CXXC5: variants seen among roughly 807,000 people sequenced by gnomAD.
CXXC5 encodes CXXC-type zinc finger protein 5.
CXXC5 carries 2 observed loss-of-function variants against 17.6 expected under a neutral mutation model. The observed-to-expected ratio is 0.11, with a 90% CI of 0.05 to 0.36. The LOEUF is 0.36. Among genes scored for constraint, CXXC5 ranks in the 10% least tolerant of loss-of-function variants. The pLI is 1.00. For synonymous variants in CXXC5, 171 were observed against 193.0 expected (o/e 0.89, Z 0.94); for missense variants, 343 against 458.3 (o/e 0.75, Z 2.30).
At chr5:139,673,193 A>G (rs1756576764) in intron 1 of CXXC5, among the ~76,000 whole-genome samples, 1 of 152,142 alleles carries the variant, frequency 6.6e-6, no homozygotes, top group Non-Finnish European at 1.5e-5. Flanking sequence ...TCCTTCAGAG[A>G]TTGGGTATGA....
intron 1 of CXXC5, among the ~76,000 whole-genome samples, chr5:139,650,298 G>A (rs561969274): frequency 1.3e-5 from 2 of 151,320 alleles, no homozygotes; most frequent in African/African-American, 2.4e-5. Context: ...CCTTCGGATG[G>A]GGGGGGAGCT....
chr5:139,649,607 C>T (rs1755056712), intron 1 of CXXC5: 1 of 152,154 alleles, frequency 6.6e-6, no homozygotes, highest in African/African-American at 2.4e-5. Context: ...CAAAGTATCT[C>T]CCCCACCACC....
At chr5:139,653,106 AG>A (rs1449074674) in intron 1 of CXXC5, among the ~76,000 whole-genome samples, 1 of 151,980 alleles carries the variant, frequency 6.6e-6, no homozygotes, top group Admixed American at 6.6e-5. Context: ...TCTCACACCC[AG>A]TCCTTCCCCC....
chr5:139,680,293 A>C (rs1186090627), intron 1 of CXXC5, 71 bp from the exon 2 acceptor site: 4 of 592,040 alleles, frequency 6.8e-6, no homozygotes, highest in Non-Finnish European at 1.2e-5. Flanking sequence ...GACCGTTGAT[A>C]GTGGCGGTGG....
intron 1 of CXXC5, among the ~76,000 whole-genome samples, chr5:139,660,897 C>T (rs1264446141): frequency 1.5e-5 from 2 of 132,234 alleles, no homozygotes; most frequent in Non-Finnish European, 3.1e-5. Flanking sequence ...GGCCAGGCTG[C>T]GGGCCTGTCC....
intron 1 of CXXC5, among the ~76,000 whole-genome samples, chr5:139,652,054 GC>G (rs1218286981): frequency 6.6e-5 from 10 of 151,668 alleles, no homozygotes; most frequent in African/African-American, 1.9e-4. Context: ...CCGTTTCCCC[GC>G]CCCCTGGGGC....
chr5:139,670,088 G>C lies in CXXC5; in HGVS notation c.-160-10276G>C, dbSNP rs1225072273. 6.6e-6 allele frequency among the ~76,000 whole-genome samples: 1 copy of C among 152,232 alleles called. No individual in the cohort carries two copies. The highest frequency in any genetic ancestry group is 1.5e-5 in the Non-Finnish European group (1 of 68,036). ...CTGTGGCATCTGTCAAGGTCAGATA[G>C]CGACTCCGGAACCAGCCGGCTCGGC... On this transcript the variant is annotated intron_variant, in intron 1 of 2. Transcript: ENST00000302517. The surrounding 1 kb of genome is among the most constrained non-coding windows in gnomAD (Gnocchi z 4.2).
Position 139,682,930 on chromosome 5 carries a change from C to T in CXXC5, c.*23C>T, listed in dbSNP as rs138793618. On this transcript the variant is annotated 3_prime_UTR_variant, in exon 3 of 3. Transcript: ENST00000302517. ...TGACGGCGGCGGAACCCAAAGCTGC[C>T]CTCTCCGTGCAATGTCACTGCTCGT... 2.0e-5 allele frequency: 31 copies of T among 1,575,072 alleles called. No homozygotes were observed. Among genetic ancestry groups the T allele is most frequent in the African/African-American group, 4.1e-5 (3 of 73,606 alleles).
chr5:139,663,634 T>C lies in CXXC5; in HGVS notation c.-161+14789T>C, dbSNP rs559747422. Among the ~76,000 whole-genome samples, 9 of 152,250 alleles carry C rather than the reference T, an allele frequency of 5.9e-5. No homozygotes were observed. In the East Asian group the frequency reaches 1.5e-3, roughly 26 times the overall value. On this transcript the variant is annotated intron_variant, in intron 1 of 2. Coordinates refer to ENST00000302517, the MANE Select transcript of CXXC5 (RefSeq NM_016463.9). This position sits in a 1 kb window ranked among gnomAD's most constrained non-coding sequence, Gnocchi z 4.2. The stretch of plus-strand genomic sequence containing the variant: ...CTGGGGAAACTGAGGCATGAAGGAT[T>C]GCCTCAGAGCTCAAAAGCAAATGGT...
chr5:139,661,222 A>C lies in CXXC5; in HGVS notation c.-161+12377A>C, dbSNP rs1386025300. 6.6e-6 allele frequency among the ~76,000 whole-genome samples: 1 copy of C among 152,202 alleles called. No individual in the cohort carries two copies. Among genetic ancestry groups the C allele is most frequent in the Non-Finnish European group, 1.5e-5 (1 of 68,024 alleles). ...CTGTCGGCCATCAGCCCAGCAGAGC[A>C]GGGTGAGCTGGGCGGGCGGGCGGCA... is the stretch of plus-strand genomic sequence containing the variant. On this transcript the variant is annotated intron_variant, in intron 1 of 2. Transcript: ENST00000302517. The surrounding 1 kb of genome is among the most constrained non-coding windows in gnomAD (Gnocchi z 4.7).
chr5:139,649,031 G>A (rs1205119521), intron 1 of CXXC5, 186 bp downstream of exon 1: 2 of 152,288 alleles, frequency 1.3e-5, no homozygotes, highest in Non-Finnish European at 2.9e-5. Context: ...CGGGGACGGG[G>A]AAGGAGGGGT....
intron 1 of CXXC5, among the ~76,000 whole-genome samples, chr5:139,669,199 C>T (rs1225869241): frequency 1.3e-5 from 2 of 152,160 alleles, no homozygotes; most frequent in Admixed American, 6.5e-5. Context: ...GGAGGGGGAG[C>T]GCCATGGCAG....
chr5:139,651,976 C>T (rs1755208545), intron 1 of CXXC5, among the ~76,000 whole-genome samples: 1 of 152,160 alleles, frequency 6.6e-6, no homozygotes, highest in African/African-American at 2.4e-5. Context: ...CAAACCCCAC[C>T]CTTCTGGTGG....
intron 1 of CXXC5, among the ~76,000 whole-genome samples, chr5:139,677,271 G>A (rs1756900488): frequency 6.6e-6 from 1 of 151,940 alleles, no homozygotes. Flanking sequence ...CCGCTTCAAC[G>A]CAGCCCTGAC....
chr5:139,667,988 A>G (rs1756206602), intron 1 of CXXC5, among the ~76,000 whole-genome samples: 1 of 152,072 alleles, frequency 6.6e-6, no homozygotes, highest in Non-Finnish European at 1.5e-5. Flanking sequence ...TCAGCGCTCC[A>G]AGGAGAGGGC....
chr5:139,662,599 AAGGACTC>A (rs1471813194), intron 1 of CXXC5, among the ~76,000 whole-genome samples: 1 of 152,174 alleles, frequency 6.6e-6, no homozygotes, highest in African/African-American at 2.4e-5. Context: ...ATGTGGCTAT[AAGGACTC>A]AGGCCCAGTT....
chr5:139,678,411 C>T (rs1244704414), intron 1 of CXXC5, among the ~76,000 whole-genome samples: 1 of 152,152 alleles, frequency 6.6e-6, no homozygotes, highest in African/African-American at 2.4e-5. Context: ...CCTGCCAGGG[C>T]CCCCCGGCTC....
intron 1 of CXXC5, among the ~76,000 whole-genome samples, chr5:139,669,822 G>A (rs1361042996): frequency 6.6e-6 from 1 of 152,156 alleles, no homozygotes; most frequent in African/African-American, 2.4e-5. Flanking sequence ...GGCACCCTCA[G>A]GAGACCCCAC....
intron 1 of CXXC5, among the ~76,000 whole-genome samples, chr5:139,657,535 G>C (rs983496863): frequency 2.0e-5 from 3 of 152,236 alleles, no homozygotes; most frequent in Non-Finnish European, 2.9e-5. Flanking sequence ...GGGGTAGGGG[G>C]TTGCTGGTGA....
Sources: gnomAD v4.1 joint callset for allele counts (sites outside exome capture counted in the v4.1 genomes callset) on GRCh38, gnomAD v4.1.1 for gene constraint, Gnocchi (gnomAD v3.1) non-coding constraint, MANE v1.5 for transcripts, NCBI Gene and HGNC (gene_info 2026-07-23, HGNC 2026-07-21) for gene names.